Variants in PIKFYVE observed in about 807,000 individuals in gnomAD.
PIKFYVE encodes the protein phosphoinositide kinase, FYVE-type zinc finger containing.
PIKFYVE carries 122 observed loss-of-function variants against 257.9 expected under a neutral mutation model. The ratio of observed to expected loss-of-function variants is 0.47; its 90% confidence interval spans 0.41 to 0.55. The LOEUF (loss-of-function observed/expected upper bound fraction) is 0.55, where lower values mean the gene tolerates loss of function less well. PIKFYVE is among the 20% of genes least tolerant of loss of function. The pLI is 0.00. For synonymous variants in PIKFYVE, 892 were observed against 868.9 expected, an observed-to-expected ratio of 1.03 and a Z score of -0.47; for missense variants, 2,160 against 2,536.6, an observed-to-expected ratio of 0.85 and a Z score of 3.19.
chr2:208,288,934 A>G, intron 7 of PIKFYVE, 116 bp downstream of exon 7: 1 of 1,292,772 alleles, frequency 7.7e-7, no homozygotes, highest in Non-Finnish European at 1.1e-6. Context: ...CGTAGCTCTA[A>G]AAGCTGAATT....
At chr2:208,301,301 A>G (rs1353766103) in intron 9 of PIKFYVE, among the ~76,000 whole-genome samples, 2 of 152,194 alleles carry the variant, frequency 1.3e-5, no homozygotes, top group Non-Finnish European at 1.5e-5. Flanking sequence ...CAAGGAGCCA[A>G]ATAGGATCTT....
intron 12 of PIKFYVE, among the ~76,000 whole-genome samples, chr2:208,310,067 C>A (rs1276031581): frequency 6.6e-6 from 1 of 152,108 alleles, no homozygotes; most frequent in African/African-American, 2.4e-5. Context: ...TTTTAACATA[C>A]TAACGAGTTA....
intron 3 of PIKFYVE, among the ~76,000 whole-genome samples, chr2:208,276,029 T>C (rs895291362): frequency 6.6e-6 from 1 of 152,196 alleles, no homozygotes; most frequent in Non-Finnish European, 1.5e-5. Context: ...CAGGTATAAA[T>C]GATCCTTTCC....
At chr2:208,324,820 T>C in intron 18 of PIKFYVE, 91 bp from the exon 19 acceptor site, 2 of 1,456,096 alleles carry the variant, frequency 1.4e-6, no homozygotes, top group Non-Finnish European at 1.9e-6. Context: ...TGAATGTTAT[T>C]TTTTAATTTT....
chr2:208,307,571 C>T (rs893524642), intron 12 of PIKFYVE, among the ~76,000 whole-genome samples: 2 of 37,820 alleles, frequency 5.3e-5, no homozygotes, highest in African/African-American at 2.1e-4. Flanking sequence ...GTGATAGATA[C>T]ATTTTTTTTT....
chr2:208,333,447 G>C lies in PIKFYVE; in HGVS notation c.4096G>C (p.Asp1366His). The C allele has an allele frequency of 1.9e-6, 3 of 1,614,036 alleles. No homozygotes were observed. Among genetic ancestry groups the C allele is most frequent in the Non-Finnish European group, 2.5e-6 (3 of 1,180,014 alleles). Residue 1366 changes from aspartate to histidine, a missense_variant, in exon 24 of 42, where the codon GAT becomes CAT. By Grantham distance (81) the Asp-to-His change is moderately conservative. Around this residue, in one of 12 missense-constraint regions of PIKFYVE, gnomAD observed 699 missense variants for 855.8 expected, o/e 0.82. Transcript: ENST00000264380. The part of the protein sequence containing the change: ...AEPCGHSIHH[D>H]YHQYFSYNQM... ...GCCCTGTGGTCACTCCATCCATCAT[G>C]ATTATCACCAGTATTTCTCCTATAA...
chr2:208,319,354 TAC>T (rs1275898563), intron 16 of PIKFYVE, among the ~76,000 whole-genome samples: 1 of 152,264 alleles, frequency 6.6e-6, no homozygotes, highest in Non-Finnish European at 1.5e-5. Context: ...TCAATATTTC[TAC>T]ACAGAGTCTT....
chr2:208,319,972 C>G (rs560150527), intron 16 of PIKFYVE, among the ~76,000 whole-genome samples: 1 of 150,992 alleles, frequency 6.6e-6, no homozygotes, highest in African/African-American at 2.4e-5. Flanking sequence ...TCTCTTCTTA[C>G]AACATCAGAA....
intron 31 of PIKFYVE, among the ~76,000 whole-genome samples, chr2:208,341,409 A>C (rs1050778846): frequency 1.9e-4 from 29 of 152,246 alleles, no homozygotes; most frequent in Non-Finnish European, 4.0e-4. Flanking sequence ...CTTTCTAAGA[A>C]GAATTTACTA....
chr2:208,268,411 C>G (rs964544503), intron 1 of PIKFYVE, among the ~76,000 whole-genome samples: 1 of 141,510 alleles, frequency 7.1e-6, no homozygotes, highest in African/African-American at 2.6e-5. Flanking sequence ...ATTATCGTTT[C>G]TCTCCAGAGC....
In PIKFYVE at chr2:208,329,807, A is replaced by T. The variant is rs760691121; in HGVS notation, c.3720-35A>T. The T allele has an allele frequency of 1.4e-5, 23 of 1,607,432 alleles. No homozygotes were observed. The East Asian group carries it at 4.5e-4, about 31-fold the overall frequency. On this transcript the variant is annotated intron_variant, in intron 21 of 41. Coordinates refer to ENST00000264380, the MANE Select transcript of PIKFYVE (RefSeq NM_015040.4). ...CATGAAATGTCTCTGGGGCATGGTA[A>T]TTCTTATGTTTCTAAGAGGTGGTCT...
Position 208,325,779 on chromosome 2 carries a change from G to A in PIKFYVE, c.2968G>A (p.Ala990Thr), listed in dbSNP as rs767809311. The part of the protein sequence containing the change: ...LPLPVDDQQD[A>T]LGSEQPETLQ... The stretch of plus-strand genomic sequence containing the variant: ...ACTCCCTGTGGATGACCAACAAGAT[G>A]CTTTAGGCAGCGAGCAGCCAGAGAC... Residue 990 changes from alanine to threonine, a missense_variant, in exon 20 of 42, where the codon GCT (alanine) becomes ACT (threonine). Ala to Thr is a moderately conservative substitution (Grantham distance 58). Around this residue, in one of 12 missense-constraint regions of PIKFYVE, gnomAD observed 522 missense variants for 514.6 expected, o/e 1.01. Transcript: ENST00000264380. 6.2e-7 allele frequency: 1 copy of A among 1,613,948 alleles called. No individual in the cohort carries two copies. The highest frequency in any genetic ancestry group is 8.5e-7 in the Non-Finnish European group (1 of 1,179,978).
At chr2:208,351,597 T>C in intron 38 of PIKFYVE, 142 bp downstream of exon 38, 1 of 814,654 alleles carries the variant, frequency 1.2e-6, no homozygotes, top group Non-Finnish European at 2.1e-6. Flanking sequence ...TTTATTTGGC[T>C]CATAGTTCTG....
chr2:208,342,187 T>C (rs1389709159), intron 31 of PIKFYVE, among the ~76,000 whole-genome samples: 1 of 152,182 alleles, frequency 6.6e-6, no homozygotes, highest in African/African-American at 2.4e-5. Context: ...AGTGGTTGTG[T>C]TGCATTGTTT....
At chr2:208,330,204 A>G (rs1697372375) in intron 22 of PIKFYVE, among the ~76,000 whole-genome samples, 1 of 152,186 alleles carries the variant, frequency 6.6e-6, no homozygotes, top group South Asian at 2.1e-4. Context: ...TGTTGGAATC[A>G]TCTAGACCTC....
intron 5 of PIKFYVE, among the ~76,000 whole-genome samples, chr2:208,278,975 A>G (rs939795869): frequency 6.6e-6 from 1 of 152,208 alleles, no homozygotes; most frequent in Non-Finnish European, 1.5e-5. Flanking sequence ...TCTTTGAGAA[A>G]TCTTCAAACC....
chr2:208,299,383 A>G (rs956351516), intron 8 of PIKFYVE, among the ~76,000 whole-genome samples: 41 of 151,808 alleles, frequency 2.7e-4, no homozygotes, highest in African/African-American at 8.9e-4. Flanking sequence ...TCCGCCTCCC[A>G]GGTTCCAGCG....
chr2:208,350,594 C>T (rs938663601), intron 36 of PIKFYVE, among the ~76,000 whole-genome samples, 177 bp from the exon 37 acceptor site: 4 of 151,782 alleles, frequency 2.6e-5, no homozygotes, highest in Non-Finnish European at 5.9e-5. Context: ...CTTTAATTCC[C>T]CCTGAAGATC....
chr2:208,287,937 A>C (rs1007798297), intron 6 of PIKFYVE, among the ~76,000 whole-genome samples: 2 of 19,278 alleles, frequency 1.0e-4, no homozygotes, highest in Non-Finnish European at 8.4e-4. Flanking sequence ...TTATGGCATT[A>C]TGATTTTTTT....
Sources: allele counts gnomAD v4.1 joint callset (sites outside exome capture counted in the v4.1 genomes callset), GRCh38; gene constraint gnomAD v4.1.1; regional missense constraint gnomAD v4.1.1; transcripts MANE v1.5; gene names NCBI Gene and HGNC (gene_info 2026-07-23, HGNC 2026-07-21).